Variants in SHANK2 observed in about 807,000 individuals in gnomAD.
The protein encoded by SHANK2 is SH3 and multiple ankyrin repeat domains protein 2.
SHANK2 carries 43 observed loss-of-function variants against 133.7 expected under a neutral mutation model. The ratio of observed to expected loss-of-function variants is 0.32; its 90% CI spans 0.25 to 0.41. The LOEUF (loss-of-function observed/expected upper bound fraction) is 0.41. Ranked by LOEUF, SHANK2 falls within the 10% of genes least tolerant of loss-of-function variation. SHANK2 has a pLI of 1.00. For synonymous variants in SHANK2, 1,017 were observed against 952.8 expected (o/e 1.07, Z -1.24); for missense variants, 1,994 against 2,235.8 (o/e 0.89, Z 2.18).
At chr11:71,116,271 T>C (rs1951976511) in intron 4 of SHANK2, among the ~76,000 whole-genome samples, 1 of 152,242 alleles carries the variant, frequency 6.6e-6, no homozygotes, top group African/African-American at 2.4e-5. Flanking sequence ...CCTCTTGCTG[T>C]TGACTAAGCT....
intron 15 of SHANK2, chr11:70,668,241 T>A (rs972212306): frequency 1.3e-5 from 2 of 152,220 alleles, no homozygotes; most frequent in Non-Finnish European, 2.9e-5. Context: ...TTAAGGGTCT[T>A]GAGTTGAGAT....
At chr11:70,548,818 G>T (rs1048094890) in intron 17 of SHANK2, among the ~76,000 whole-genome samples, 1 of 152,176 alleles carries the variant, frequency 6.6e-6, no homozygotes, top group African/African-American at 2.4e-5. Context: ...TCCAGTCATT[G>T]GTGTTCTCAA....
intron 17 of SHANK2, among the ~76,000 whole-genome samples, chr11:70,627,314 T>C (rs1165612150): frequency 6.6e-6 from 1 of 152,148 alleles, no homozygotes; most frequent in African/African-American, 2.4e-5. Flanking sequence ...CACACTGCCC[T>C]TGAACCCAGA....
chr11:70,612,822 G>A (rs575031434), intron 17 of SHANK2, among the ~76,000 whole-genome samples: 11 of 152,044 alleles, frequency 7.2e-5, no homozygotes, highest in South Asian at 2.1e-4. Flanking sequence ...CTTTCCATAC[G>A]CAATATCAGA....
intron 20 of SHANK2, among the ~76,000 whole-genome samples, chr11:70,501,445 C>T (rs1056391856): frequency 1.3e-5 from 2 of 152,236 alleles, no homozygotes; most frequent in African/African-American, 2.4e-5. Flanking sequence ...GGCGGGGGCT[C>T]GTTTCTGCGC....
At chr11:70,940,413 AT>A (rs1950631616) in intron 10 of SHANK2, among the ~76,000 whole-genome samples, 1 of 151,456 alleles carries the variant, frequency 6.6e-6, no homozygotes, top group African/African-American at 2.4e-5. Context: ...CGCCCAGCTA[AT>A]TAGCTAATTT....
Position 70,485,654 on chromosome 11 carries a change from G to T in SHANK2, c.4639C>A (p.Pro1547Thr). ...QAFMVDKPPV[P>T]PKPKMKPIIH... ...ATGGGCTTCATTTTTGGCTTAGGAG[G>T]TACTGGGGGTTTGTCAACCATAAAT... is the stretch of plus-strand genomic sequence containing the variant. The change falls in exon 25 of 26, where the codon CCT (proline) becomes ACT (threonine). Residue 1547 changes from proline (P) to threonine (T), a missense_variant. By Grantham distance (38) the Pro-to-Thr change is conservative. This residue lies in a region of SHANK2 where 797 missense variants were observed against 907.4 expected (regional missense o/e 0.88). Transcript: ENST00000601538. The surrounding 1 kb of genome is among the most constrained non-coding windows in gnomAD (Gnocchi z 5.8). 6.2e-7 allele frequency: 1 copy of T among 1,614,116 alleles called. No individual in the cohort carries two copies. Among genetic ancestry groups the T allele is most frequent in the Non-Finnish European group, 8.5e-7 (1 of 1,180,040 alleles).
chr11:70,566,950 G>A (rs2059975817), intron 17 of SHANK2, among the ~76,000 whole-genome samples: 1 of 152,138 alleles, frequency 6.6e-6, no homozygotes, highest in Admixed American at 6.5e-5. Flanking sequence ...GCCACAAAGC[G>A]GCTAAACACG....
chr11:71,123,964 A>G (rs1453193423), intron 3 of SHANK2, among the ~76,000 whole-genome samples: 2 of 151,986 alleles, frequency 1.3e-5, no homozygotes, highest in African/African-American at 2.4e-5. Context: ...TTCAGTGTCT[A>G]CAGGGAGGGG....
At chr11:70,599,929 AAGAAAGAAAGAAAGAAAG>A (rs2060466469) in intron 17 of SHANK2, among the ~76,000 whole-genome samples, 2 of 121,814 alleles carry the variant, frequency 1.6e-5, no homozygotes, top group South Asian at 2.6e-4. Flanking sequence ...GAAAGAAAGA[AAGAAAGAAAGAAAGAAAG>A]AAAGAAAGAA....
At chr11:70,735,312 G>C (rs1361004708) in intron 14 of SHANK2, among the ~76,000 whole-genome samples, 2 of 152,198 alleles carry the variant, frequency 1.3e-5, no homozygotes, top group Non-Finnish European at 2.9e-5. Flanking sequence ...ATCCTTCCTC[G>C]GGGAGGAGGG....
At chr11:70,815,491 C>A (rs1948373941) in intron 12 of SHANK2, among the ~76,000 whole-genome samples, 1 of 152,198 alleles carries the variant, frequency 6.6e-6, no homozygotes, top group Non-Finnish European at 1.5e-5. Flanking sequence ...CACTCACCAT[C>A]CACAGATCGG....
intron 15 of SHANK2, among the ~76,000 whole-genome samples, chr11:70,666,528 A>G (rs1370901944): frequency 1.3e-5 from 2 of 152,168 alleles, no homozygotes; most frequent in African/African-American, 2.4e-5. Context: ...TGTGGCATTG[A>G]GTTCTGTGTG....
At chr11:70,924,404 A>G (rs1950397772) in intron 10 of SHANK2, among the ~76,000 whole-genome samples, 1 of 152,146 alleles carries the variant, frequency 6.6e-6, no homozygotes, top group South Asian at 2.1e-4. Flanking sequence ...TCTGTCCAAC[A>G]GCCAGCGAAA....
At chr11:70,846,085 G>T (rs1555063198) in intron 11 of SHANK2, among the ~76,000 whole-genome samples, 1 of 152,078 alleles carries the variant, frequency 6.6e-6, no homozygotes, top group South Asian at 2.1e-4. Context: ...GCAGAAAAGC[G>T]AACTGGAGAG....
Position 70,473,955 on chromosome 11 carries a change from C to A in SHANK2, c.4980-516G>T. On this transcript the variant is annotated intron_variant, in intron 25 of 25. Transcript: ENST00000601538. The surrounding 1 kb of genome is among the most constrained non-coding windows in gnomAD (Gnocchi z 5.9). ...GAAGGAGCACACCTGGAGGACAGGC[C>A]CCTCAGCCGCCTGGCAGCCTTAGGC... The A allele has an allele frequency of 4.6e-6, 1 of 217,012 alleles. No individual in the cohort carries two copies. Among genetic ancestry groups the A allele is most frequent in the Admixed American group, 4.9e-5 (1 of 20,454 alleles). 13.4% of individuals were successfully genotyped at this position (217,012 alleles called of 1,614,324 possible).
intron 2 of SHANK2, among the ~76,000 whole-genome samples, chr11:71,185,575 G>A (rs1267260908): frequency 3.3e-5 from 5 of 152,176 alleles, no homozygotes; most frequent in Non-Finnish European, 5.9e-5. Context: ...GCAGCCTCCA[G>A]GTGACTACCC....
chr11:70,584,739 C>A (rs1005952254), intron 17 of SHANK2, among the ~76,000 whole-genome samples: 3 of 152,212 alleles, frequency 2.0e-5, no homozygotes, highest in Non-Finnish European at 4.4e-5. Context: ...CATGGCCTCC[C>A]CTACCTCCTG....
In SHANK2 at chr11:70,670,789, C is replaced by T. The variant is rs534766987; in HGVS notation, c.1854-9111G>A. On this transcript the variant is annotated intron_variant, in intron 15 of 25. Coordinates refer to ENST00000601538, the MANE Select transcript of SHANK2 (RefSeq NM_012309.5). ...GCTCCTGGGGAGGCCATTGCTGTTT[C>T]CAGGGCAGGAGGTGATGACTTTGGG... is the stretch of plus-strand genomic sequence containing the variant. 2.0e-5 allele frequency among the ~76,000 whole-genome samples: 3 copies of T among 152,316 alleles called. No individual in the cohort carries two copies. In the South Asian group the frequency reaches 6.2e-4, roughly 32 times the overall value.
Sources: gnomAD v4.1 joint callset for allele counts (sites outside exome capture counted in the v4.1 genomes callset) on GRCh38, gnomAD v4.1.1 for gene constraint, gnomAD v4.1.1 regional missense constraint, Gnocchi (gnomAD v3.1) non-coding constraint, MANE v1.5 for transcripts, NCBI Gene and HGNC (gene_info 2026-07-23, HGNC 2026-07-21) for gene names.